Variants in SGCZ observed in about 807,000 individuals in gnomAD.
The protein encoded by SGCZ is zeta-sarcoglycan.
SGCZ carries 40 observed loss-of-function variants against 41.3 expected under a neutral mutation model. That is an observed-to-expected ratio of 0.97 (90% CI 0.75 to 1.26). SGCZ has a LOEUF of 1.26. Among genes scored for constraint, SGCZ ranks in the 50% most tolerant of loss-of-function variants. The probability of loss-of-function intolerance (pLI) is 0.00; values close to 1 mark genes in which losing one functional copy is unlikely to be tolerated. For missense variants in SGCZ, 552 were observed against 369.8 expected, an observed-to-expected ratio of 1.49 and a Z score of -4.04; for synonymous variants, 206 against 137.5, an observed-to-expected ratio of 1.50 and a Z score of -3.49.
At chr8:14,410,734 A>AC (rs1468325194) in intron 2 of SGCZ, among the ~76,000 whole-genome samples, 2 of 152,054 alleles carry the variant, frequency 1.3e-5, no homozygotes, top group Non-Finnish European at 2.9e-5. Flanking sequence ...TGTGTAATAA[A>AC]CCTGCACGTT....
At chr8:14,394,379 G>C (rs1247759306) in intron 2 of SGCZ, among the ~76,000 whole-genome samples, 2 of 151,988 alleles carry the variant, frequency 1.3e-5, no homozygotes, top group African/African-American at 4.8e-5. Flanking sequence ...TCGATCTCCT[G>C]ACCTCGTGAT....
chr8:14,456,912 T>C (rs1800762009), intron 2 of SGCZ, among the ~76,000 whole-genome samples: 1 of 152,102 alleles, frequency 6.6e-6, no homozygotes. Flanking sequence ...TCTCTCTCTC[T>C]TGCTTTTTCA....
At chr8:15,191,407 A>C (rs1431996500) in intron 1 of SGCZ, among the ~76,000 whole-genome samples, 1 of 152,108 alleles carries the variant, frequency 6.6e-6, no homozygotes, top group Non-Finnish European at 1.5e-5. Context: ...GTTGAATGTC[A>C]CCGCTTAAGG....
At chr8:14,251,762 G>A (rs552684472) in intron 3 of SGCZ, among the ~76,000 whole-genome samples, 6 of 152,032 alleles carry the variant, frequency 3.9e-5, no homozygotes, top group Non-Finnish European at 8.8e-5. Context: ...TTAAATGTAG[G>A]TATAAATTTA....
chr8:14,828,386 A>G (rs138922895), intron 1 of SGCZ, among the ~76,000 whole-genome samples: 5 of 152,346 alleles, frequency 3.3e-5, no homozygotes, highest in African/African-American at 1.2e-4. Flanking sequence ...TGACATTTCA[A>G]TTGGTTCCAC....
intron 1 of SGCZ, among the ~76,000 whole-genome samples, chr8:14,567,763 C>T (rs766452062): frequency 6.6e-6 from 1 of 151,688 alleles, no homozygotes; most frequent in Admixed American, 6.6e-5. Flanking sequence ...CTCCTGAAAC[C>T]AGGGAGACCA....
chr8:14,952,749 A>G (rs528275020), intron 1 of SGCZ, among the ~76,000 whole-genome samples: 10 of 152,262 alleles, frequency 6.6e-5, no homozygotes, highest in African/African-American at 2.4e-4. Flanking sequence ...TTGAACTCTA[A>G]ACTTCCAAAG....
At position 14,237,631 on chromosome 8, in the gene SGCZ, T is replaced by G; in HGVS notation, c.385A>C (p.Arg129=). The G allele has an allele frequency of 1.2e-6, 2 of 1,613,984 alleles. No homozygotes were observed. Among genetic ancestry groups the G allele is most frequent in the Non-Finnish European group, 1.7e-6 (2 of 1,179,888 alleles). Residue 129 remains arginine (R), a synonymous_variant, in exon 4 of 8, where the codon AGA becomes CGA. Coordinates refer to ENST00000382080, the MANE Select transcript of SGCZ (RefSeq NM_139167.4). Reference sequence around the variant, plus strand: ...CCGGTTAACTGCCCCATGTGATTTCTTGCATTCACTGTGACATTCCTGTCA... The same window carrying G: ...CCGGTTAACTGCCCCATGTGATTTCGTGCATTCACTGTGACATTCCTGTCA... ...QSDRNVTVNA[R]NHMGQLTGQL... is the part of the protein sequence containing the mutation.
chr8:14,097,151 T>A (rs1801871649), intron 7 of SGCZ, among the ~76,000 whole-genome samples: 1 of 152,194 alleles, frequency 6.6e-6, no homozygotes, highest in African/African-American at 2.4e-5. Context: ...TGAATTTGTT[T>A]GTTCTTGCTT....
rs144371600 is a variant in SGCZ at position 14,618,612 on chromosome 8, T to C, written c.40-63686A>G. 4.2e-3 allele frequency among the ~76,000 whole-genome samples: 636 copies of C among 152,318 alleles called. 6 individuals are homozygous for C. The highest frequency in any genetic ancestry group is 0.015 in the African/African-American group (613 of 41,586). ...TACTCATTCAAAAGACTTTATCTTT[T>C]ATTCAGTAAAAAGTAGAGTCAATGA... On this transcript the variant is annotated intron_variant, in intron 1 of 7. Transcript: ENST00000382080.
At chr8:15,222,793 A>C (rs1421062964) in intron 1 of SGCZ, among the ~76,000 whole-genome samples, 3 of 151,874 alleles carry the variant, frequency 2.0e-5, no homozygotes, top group Middle Eastern at 3.4e-3. Flanking sequence ...GTATGCGTGC[A>C]TGTGTGGGTG....
chr8:14,782,454 ACT>A (rs1800620891), intron 1 of SGCZ, among the ~76,000 whole-genome samples: 1 of 152,142 alleles, frequency 6.6e-6, no homozygotes, highest in Admixed American at 6.5e-5. Flanking sequence ...TATCCATCTA[ACT>A]TCTAATGTTT....
chr8:14,839,012 A>C (rs2130621416), intron 1 of SGCZ, among the ~76,000 whole-genome samples: 1 of 152,252 alleles, frequency 6.6e-6, no homozygotes, highest in East Asian at 1.9e-4. Flanking sequence ...AAAGACCTGG[A>C]GGGTCTTGAG....
At position 14,782,828 on chromosome 8, in the gene SGCZ, G is replaced by T. The variant is rs1306628619; in HGVS notation, c.40-227902C>A. Among the ~76,000 whole-genome samples the T allele has an allele frequency of 2.0e-5, 3 of 152,174 alleles. 1 individual carries two copies. The highest frequency in any genetic ancestry group is 2.9e-5 in the Non-Finnish European group (2 of 68,030). On this transcript the variant is annotated intron_variant, in intron 1 of 7. Transcript: ENST00000382080. ...ATTTCACAGACACAGGCATATTGCA[G>T]ATCTCAGAGTTATGCCATTAATCAA...
chr8:15,195,917 A>G (rs1481888856), intron 1 of SGCZ, among the ~76,000 whole-genome samples: 2 of 71,592 alleles, frequency 2.8e-5, no homozygotes, highest in Admixed American at 2.3e-4. Context: ...TTTTTTTTTG[A>G]GACGGAGTCT....
intron 2 of SGCZ, among the ~76,000 whole-genome samples, chr8:14,410,662 A>G (rs1799335458): frequency 6.6e-6 from 1 of 152,112 alleles, no homozygotes; most frequent in East Asian, 1.9e-4. Context: ...TAAGGCATGC[A>G]GGCCTTAAAA....
intron 1 of SGCZ, among the ~76,000 whole-genome samples, chr8:14,982,921 G>A (rs1435125700): frequency 6.6e-6 from 1 of 152,112 alleles, no homozygotes; most frequent in African/African-American, 2.4e-5. Context: ...CATATACTTG[G>A]TTAAAAAGCA....
intron 3 of SGCZ, among the ~76,000 whole-genome samples, chr8:14,287,202 G>GTT (rs1380061213): frequency 1.3e-5 from 2 of 150,490 alleles, no homozygotes; most frequent in Admixed American, 6.6e-5. Flanking sequence ...GTTGTCTTTA[G>GTT]TTATATATAT....
intron 1 of SGCZ, among the ~76,000 whole-genome samples, chr8:14,642,473 A>G (rs549462247): frequency 6.6e-5 from 10 of 151,470 alleles, no homozygotes; most frequent in Non-Finnish European, 1.5e-4. Flanking sequence ...TATGTAAGGT[A>G]ACTTACTATA....
Sources: gnomAD v4.1 joint callset for allele counts (sites outside exome capture counted in the v4.1 genomes callset) on GRCh38, gnomAD v4.1.1 for gene constraint, MANE v1.5 for transcripts, NCBI Gene and HGNC (gene_info 2026-07-23, HGNC 2026-07-21) for gene names.